Variants in MACROD2 observed in about 807,000 individuals in gnomAD.
MACROD2 encodes the protein ADP-ribose glycohydrolase MACROD2.
MACROD2 carries 36 observed loss-of-function variants against 70.4 expected under a neutral mutation model. The observed-to-expected ratio is 0.51, with a 90% confidence interval of 0.39 to 0.68. The LOEUF (loss-of-function observed/expected upper bound fraction) is 0.68, where lower values mean the gene tolerates loss of function less well. Among genes scored for constraint, MACROD2 ranks in the 30% least tolerant of loss-of-function variants. The pLI, the probability that MACROD2 is intolerant of heterozygous loss-of-function variation, is 0.00. For synonymous variants in MACROD2, 172 were observed against 178.8 expected (o/e 0.96, Z 0.30); for missense variants, 496 against 538.4 (o/e 0.92, Z 0.78).
chr20:15,002,527 G>A (rs1036488606), intron 5 of MACROD2, among the ~76,000 whole-genome samples: 4 of 151,974 alleles, frequency 2.6e-5, no homozygotes, highest in East Asian at 1.9e-4. Flanking sequence ...GATCAATGAC[G>A]ATATCATTAT....
intron 5 of MACROD2, among the ~76,000 whole-genome samples, chr20:15,052,142 C>T (rs2075447354): frequency 6.6e-6 from 1 of 152,156 alleles, no homozygotes; most frequent in Non-Finnish European, 1.5e-5. Context: ...TTGCTGCATT[C>T]ATCTGTCTTG....
intron 5 of MACROD2, among the ~76,000 whole-genome samples, chr20:14,960,839 A>G (rs1042332066): frequency 1.3e-5 from 2 of 152,068 alleles, no homozygotes; most frequent in African/African-American, 2.4e-5. Context: ...TTTTTCATCA[A>G]TTAATTCAGA....
chr20:15,583,395 T>C (rs2048553620), intron 8 of MACROD2, among the ~76,000 whole-genome samples: 1 of 152,242 alleles, frequency 6.6e-6, no homozygotes, highest in South Asian at 2.1e-4. Context: ...ATCCAGCCTT[T>C]TAGCATCGTT....
chr20:15,873,960 A>G (rs2064624524), intron 9 of MACROD2, among the ~76,000 whole-genome samples: 1 of 152,018 alleles, frequency 6.6e-6, no homozygotes, highest in Admixed American at 6.6e-5. Flanking sequence ...TACAGTGCAC[A>G]ATGTGCAGGT....
chr20:15,570,125 G>A (rs1214140260), intron 8 of MACROD2, among the ~76,000 whole-genome samples: 7 of 151,992 alleles, frequency 4.6e-5, no homozygotes, highest in East Asian at 1.9e-4. Context: ...ATTGTTTTCC[G>A]TAATGGCTGT....
chr20:14,081,882 T>C (rs1327908123), intron 2 of MACROD2, among the ~76,000 whole-genome samples: 2 of 152,158 alleles, frequency 1.3e-5, no homozygotes, highest in African/African-American at 4.8e-5. Context: ...ATAATCTGAC[T>C]GTTGAGGAAA....
At chr20:14,385,610 A>G (rs1231924439) in intron 3 of MACROD2, among the ~76,000 whole-genome samples, 1 of 152,198 alleles carries the variant, frequency 6.6e-6, no homozygotes, top group African/African-American at 2.4e-5. Context: ...ATGGACTTCC[A>G]AAACAATCAA....
At chr20:14,841,480 CA>C (rs111332646) in intron 5 of MACROD2, among the ~76,000 whole-genome samples, 7 of 151,712 alleles carry the variant, frequency 4.6e-5, no homozygotes, top group African/African-American at 1.4e-4. Context: ...CCTTAGCTTA[CA>C]GTGTTGGAGA....
At chr20:15,332,633 G>A (rs989206329) in intron 6 of MACROD2, among the ~76,000 whole-genome samples, 1 of 150,008 alleles carries the variant, frequency 6.7e-6, no homozygotes, top group African/African-American at 2.5e-5. Flanking sequence ...TTTGAAAGAG[G>A]CCTTTCATGA....
chr20:14,713,765 A>T (rs1467724154), intron 5 of MACROD2, among the ~76,000 whole-genome samples: 1 of 152,220 alleles, frequency 6.6e-6, no homozygotes, highest in Non-Finnish European at 1.5e-5. Flanking sequence ...AGCTAAAAAA[A>T]TTACTATTAT....
intron 6 of MACROD2, among the ~76,000 whole-genome samples, chr20:15,303,482 A>G (rs2077666526): frequency 6.6e-6 from 1 of 152,104 alleles, no homozygotes; most frequent in South Asian, 2.1e-4. Flanking sequence ...AAAGCTCCAT[A>G]AATCCCCTTT....
chr20:14,318,943 A>G (rs886929722), intron 3 of MACROD2, among the ~76,000 whole-genome samples: 1 of 152,062 alleles, frequency 6.6e-6, no homozygotes, highest in African/African-American at 2.4e-5. Context: ...CTTGAGGATG[A>G]CCTTTCCTGT....
chr20:15,842,357 T>G (rs1297853379), intron 8 of MACROD2, among the ~76,000 whole-genome samples: 1 of 151,924 alleles, frequency 6.6e-6, no homozygotes, highest in Non-Finnish European at 1.5e-5. Context: ...TTACGCCCAT[T>G]TATTTCAAAG....
chr20:14,996,710 T>C (rs2074952860), intron 5 of MACROD2, among the ~76,000 whole-genome samples: 1 of 152,088 alleles, frequency 6.6e-6, no homozygotes, highest in African/African-American at 2.4e-5. Context: ...GTGCAGTGAT[T>C]GTAGGACTTT....
At chr20:14,145,871 C>A (rs2054936283) in intron 3 of MACROD2, among the ~76,000 whole-genome samples, 1 of 152,156 alleles carries the variant, frequency 6.6e-6, no homozygotes, top group African/African-American at 2.4e-5. Flanking sequence ...TAATTAAAAT[C>A]AATATTAACG....
intron 6 of MACROD2, among the ~76,000 whole-genome samples, chr20:15,304,340 C>T (rs574389966): frequency 6.6e-6 from 1 of 152,246 alleles, no homozygotes; most frequent in South Asian, 2.1e-4. Context: ...GCTTCCCATA[C>T]AGTAGTAAGT....
intron 1 of MACROD2, among the ~76,000 whole-genome samples, chr20:13,997,466 AC>A (rs2052678998): frequency 6.6e-6 from 1 of 152,224 alleles, no homozygotes; most frequent in Non-Finnish European, 1.5e-5. Context: ...GTTTTCAGTA[AC>A]ATGAATCATT....
intron 5 of MACROD2, among the ~76,000 whole-genome samples, chr20:15,135,048 G>C (rs1348094932): frequency 6.6e-6 from 1 of 152,004 alleles, no homozygotes; most frequent in Non-Finnish European, 1.5e-5. Flanking sequence ...CCAATAACAG[G>C]CTCTGAAATT....
chr20:14,007,494 G>A (rs1027258933), intron 2 of MACROD2, among the ~76,000 whole-genome samples: 4 of 152,184 alleles, frequency 2.6e-5, no homozygotes, highest in South Asian at 2.1e-4. Context: ...TTGTGCATGC[G>A]CGTGCATGTA....
Sources: gnomAD v4.1 joint callset for allele counts (sites outside exome capture counted in the v4.1 genomes callset) on GRCh38, gnomAD v4.1.1 for gene constraint, MANE v1.5 for transcripts, NCBI Gene and HGNC (gene_info 2026-07-23, HGNC 2026-07-21) for gene names.